Variants in TPCN1 observed in about 807,000 individuals in gnomAD.
The protein encoded by TPCN1 is two pore channel protein 1.
Under a neutral mutation model 108.8 loss-of-function variants are expected in TPCN1, and 52 were observed. That is an observed-to-expected ratio of 0.48 (90% confidence interval 0.38 to 0.60). TPCN1 has a LOEUF of 0.60. TPCN1 is among the 20% of genes least tolerant of loss of function. TPCN1 has a pLI of 0.00. For missense variants in TPCN1, 806 were observed against 1,072.8 expected, an observed-to-expected ratio of 0.75 and a Z score of 3.47; for synonymous variants, 446 against 433.7, an observed-to-expected ratio of 1.03 and a Z score of -0.35.
chr12:113,252,645 C>G lies in TPCN1; in HGVS notation c.113-7723C>G, dbSNP rs555449495. On this transcript the variant is annotated intron_variant, in intron 2 of 27. Transcript: ENST00000335509. ...TAGGACTCTTCTGTGTTGCCGGTGC[C>G]AGCCCCTGCTGGGGCATGTGGAGGT... is the stretch of plus-strand genomic sequence containing the variant. Among the ~76,000 whole-genome samples the G allele has an allele frequency of 4.7e-4, 72 of 152,354 alleles. 1 individual carries two copies. Among genetic ancestry groups the G allele is most frequent in the Admixed American group, 7.8e-4 (12 of 15,308 alleles).
chr12:113,293,917 A>C (rs1365749237), intron 27 of TPCN1, among the ~76,000 whole-genome samples: 1 of 152,098 alleles, frequency 6.6e-6, no homozygotes, highest in African/African-American at 2.4e-5. Flanking sequence ...GGCTCACTGC[A>C]ACCTCCGCCT....
At position 113,261,412 on chromosome 12, in the gene TPCN1, CTTTTTTTTTT is replaced by C. The variant is rs1188898527; in HGVS notation, c.237+932_237+941del. Among the ~76,000 whole-genome samples the C allele has an allele frequency of 6.9e-5, 6 of 87,506 alleles. No individual in the cohort carries two copies. In the East Asian group the frequency reaches 1.7e-3, roughly 25 times the overall value. The allele number at this position is 87,506 out of a possible 152,430, so 57.4% of individuals were successfully genotyped here. A position where few individuals can be genotyped will look rare whatever the true frequency, so the allele number is the denominator to read the frequency against. On this transcript the variant is annotated intron_variant, in intron 3 of 27. Coordinates refer to ENST00000335509, the MANE Select transcript of TPCN1 (RefSeq NM_017901.6). ...CTGCTTTTTTTTTTCATAGCATAAG[CTTTTTTTTTT>C]TTTTTTTTTTTCTTTTTTTGGAGAC... is the stretch of plus-strand genomic sequence containing the variant.
At chr12:113,223,623 A>G (rs1953355625) in intron 1 of TPCN1, among the ~76,000 whole-genome samples, 4 of 152,098 alleles carry the variant, frequency 2.6e-5, no homozygotes, top group Admixed American at 2.6e-4. Context: ...AGTTCACTGC[A>G]ACCTCTGCCT....
At chr12:113,278,648 C>A in intron 13 of TPCN1, 124 bp from the exon 14 acceptor site, 1 of 756,528 alleles carries the variant, frequency 1.3e-6, no homozygotes, top group East Asian at 2.6e-5. Flanking sequence ...ATGTAGATCC[C>A]TGAAGGTTAA....
At position 113,273,302 on chromosome 12, in the gene TPCN1, C is replaced by T. The variant is rs1159828946; in HGVS notation, c.842+12C>T. 6.2e-7 allele frequency: 1 copy of T among 1,614,140 alleles called. No individual in the cohort carries two copies. The highest frequency in any genetic ancestry group is 2.2e-5 in the East Asian group (1 of 44,880). ...CTGACCACAGCCAAGTAAGTGCAGG[C>T]TCTGCCTTGCCTTTGGTCCTCTGCT... On this transcript the variant is annotated intron_variant, in intron 9 of 27. Coordinates refer to ENST00000335509, the MANE Select transcript of TPCN1 (RefSeq NM_017901.6). The surrounding 1 kb of genome is among the most constrained non-coding windows in gnomAD (Gnocchi z 4.0).
At position 113,278,698 on chromosome 12, in the gene TPCN1, C is replaced by G; in HGVS notation, c.1234-74C>G. The G allele has an allele frequency of 2.4e-6, 3 of 1,272,978 alleles. No individual in the cohort carries two copies. In the South Asian group the frequency reaches 3.6e-5, roughly 15 times the overall value. The allele number at this position is 1,272,978 out of a possible 1,614,324, so 78.9% of individuals were successfully genotyped here. On this transcript the variant is annotated intron_variant, in intron 13 of 27. Coordinates refer to ENST00000335509, the MANE Select transcript of TPCN1 (RefSeq NM_017901.6). ...TTAGCAGGGTGAACAGGAAAGGAAG[C>G]CAGCATCCTGGCTCCAGGCAGGGCC...
At chr12:113,267,094 C>T (rs1955292328) in intron 4 of TPCN1, among the ~76,000 whole-genome samples, 1 of 152,196 alleles carries the variant, frequency 6.6e-6, no homozygotes, top group African/African-American at 2.4e-5. Flanking sequence ...TGTCCACAGG[C>T]CCTGGACCTC....
At chr12:113,227,045 T>C (rs557388220) in intron 2 of TPCN1, 81 bp downstream of exon 2, 55 of 1,199,546 alleles carry the variant, frequency 4.6e-5, no homozygotes, top group Non-Finnish European at 6.2e-5. Context: ...TGTGGTCTGA[T>C]AGTAGGGGTG....
intron 3 of TPCN1, among the ~76,000 whole-genome samples, chr12:113,262,908 G>T (rs1740683409): frequency 1.3e-5 from 2 of 152,328 alleles, no homozygotes; most frequent in South Asian, 4.1e-4. Flanking sequence ...TTAGCCTCCA[G>T]ATGATGTTTT....
At chr12:113,279,380 TATATA>T (rs1955800709) in intron 14 of TPCN1, among the ~76,000 whole-genome samples, 11 of 33,990 alleles carry the variant, frequency 3.2e-4, no homozygotes, top group African/African-American at 1.1e-3. Context: ...TATATATATA[TATATA>T]TATATATTTT....
In TPCN1 at chr12:113,270,848, C is replaced by T. The variant is rs558084871; in HGVS notation, c.748+1003C>T. Among the ~76,000 whole-genome samples the T allele has an allele frequency of 5.9e-5, 9 of 152,258 alleles. No individual in the cohort carries two copies. In the South Asian group the frequency reaches 1.9e-3, roughly 32 times the overall value. On this transcript the variant is annotated intron_variant, in intron 7 of 27. Transcript: ENST00000335509. ...GTCACACTCATGACCTCTTCACCTC[C>T]CACAGCCGCCACCTCCTAACACCCT... is the stretch of plus-strand genomic sequence containing the variant.
At chr12:113,230,832 G>A (rs939884989) in intron 2 of TPCN1, among the ~76,000 whole-genome samples, 7 of 152,194 alleles carry the variant, frequency 4.6e-5, no homozygotes, top group Non-Finnish European at 8.8e-5. Flanking sequence ...CAGAATCAAC[G>A]TACTTGGATT....
chr12:113,236,996 G>T (rs1953923916), intron 2 of TPCN1, among the ~76,000 whole-genome samples: 1 of 152,214 alleles, frequency 6.6e-6, no homozygotes, highest in African/African-American at 2.4e-5. Context: ...GTTTTACAGA[G>T]TGCCTAAAAT....
chr12:113,292,974 A>T lies in TPCN1; in HGVS notation c.2154A>T (p.Glu718Asp), dbSNP rs770966185. 2.2e-5 allele frequency: 35 copies of T among 1,613,124 alleles called. No homozygotes were observed. The highest frequency in any genetic ancestry group is 1.7e-4 in the Middle Eastern group (1 of 5,938). ...GITLEKEISK[E>D]ELVAVLELYR... The stretch of plus-strand genomic sequence containing the variant: ...CCCTTGAGAAGGAAATCTCCAAAGA[A>T]GAGCTGGTTGCCGTCCTGGAGCTCT... The change falls in exon 26 of 28, where the codon GAA becomes GAT. Residue 718 changes from glutamate (E) to aspartate (D), a missense_variant. Transcript: ENST00000335509.
intron 10 of TPCN1, 22 bp from the exon 11 acceptor site, chr12:113,276,897 G>A (rs201470322): frequency 2.6e-4 from 402 of 1,564,164 alleles, no homozygotes; most frequent in Non-Finnish European, 3.3e-4. Flanking sequence ...CTGAGCTAGG[G>A]CTCTGTGCTT....
intron 25 of TPCN1, 97 bp downstream of exon 25, chr12:113,292,055 C>A: frequency 3.0e-6 from 3 of 986,774 alleles, no homozygotes; most frequent in Non-Finnish European, 4.9e-6. Flanking sequence ...ATCAGGCTGT[C>A]ATTTTTCTGC....
At chr12:113,249,884 A>C (rs909618361) in intron 2 of TPCN1, 2 of 152,216 alleles carry the variant, frequency 1.3e-5, no homozygotes, top group Non-Finnish European at 2.9e-5. Context: ...TCACTTTCTA[A>C]ATGTGGGAGC....
In TPCN1 at chr12:113,268,104, C is replaced by T. The variant is rs1051717738; in HGVS notation, c.528+148C>T. 2 of 650,822 alleles carry T rather than the reference C, an allele frequency of 3.1e-6. No individual in the cohort carries two copies. The highest frequency in any genetic ancestry group is 3.6e-5 in the African/African-American group (2 of 55,676). The allele number at this position is 650,822 out of a possible 1,614,324, so 40.3% of individuals were successfully genotyped here. A position where few individuals can be genotyped will look rare whatever the true frequency, so the allele number is the denominator to read the frequency against. On this transcript the variant is annotated intron_variant, in intron 5 of 27. Coordinates refer to ENST00000335509, the MANE Select transcript of TPCN1 (RefSeq NM_017901.6). This position sits in a 1 kb window ranked among gnomAD's most constrained non-coding sequence, Gnocchi z 7.3. ...CTAGGGTCCCTGTCCTGACCGTGCC[C>T]TCAGCCTTGTGGGTGCCCTGGATGT...
chr12:113,275,793 G>T (rs967085277), intron 10 of TPCN1, among the ~76,000 whole-genome samples: 11 of 150,118 alleles, frequency 7.3e-5, no homozygotes, highest in African/African-American at 2.7e-4. Flanking sequence ...AGCCAGGATG[G>T]TCTCAATCTC....
Sources: allele counts gnomAD v4.1 joint callset (sites outside exome capture counted in the v4.1 genomes callset), GRCh38; gene constraint gnomAD v4.1.1; non-coding constraint Gnocchi (gnomAD v3.1); transcripts MANE v1.5; gene names NCBI Gene and HGNC (gene_info 2026-07-23, HGNC 2026-07-21).